Variants in ARID1B observed in about 807,000 individuals in gnomAD.
ARID1B encodes AT-rich interaction domain 1B, also known as AT-rich interactive domain-containing protein 1B.
ARID1B carries 30 observed loss-of-function variants against 212.3 expected under a neutral mutation model. The observed-to-expected ratio is 0.14, with a 90% CI of 0.11 to 0.19. The LOEUF (loss-of-function observed/expected upper bound fraction) is 0.19. Among genes scored for constraint, ARID1B ranks in the 10% least tolerant of loss-of-function variants. ARID1B has a pLI of 1.00. For synonymous variants in ARID1B, 1,402 were observed against 1,301.7 expected (o/e 1.08, Z -1.66); for missense variants, 2,891 against 3,204.0 (o/e 0.90, Z 2.36).
chr6:157,140,568 G>A (rs1319106161), intron 7 of ARID1B: 5 of 398,390 alleles, frequency 1.3e-5, no homozygotes, highest in East Asian at 7.1e-5. Context: ...TTTCCCTGCA[G>A]CAACCACATG....
In ARID1B at chr6:156,796,689, C is replaced by T. The variant is rs181481407; in HGVS notation, c.1791+17218C>T. Among the ~76,000 whole-genome samples the T allele has an allele frequency of 1.1e-3, 168 of 152,326 alleles. 1 individual carries two copies. The highest frequency in any genetic ancestry group is 2.0e-3 in the Non-Finnish European group (133 of 68,036). ...TGGAGAAGAATCAAGCCATTTCCTC[C>T]TCTTCCAGGCATAGAGAATAGTTAT... On this transcript the variant is annotated intron_variant, in intron 1 of 19. Transcript: ENST00000636930.
chr6:157,045,469 C>CT (rs1272912218), intron 4 of ARID1B, among the ~76,000 whole-genome samples: 3 of 151,920 alleles, frequency 2.0e-5, no homozygotes, highest in Admixed American at 6.6e-5. Context: ...TTAGCGGGAC[C>CT]TTTTTTTTCT....
At position 157,070,734 on chromosome 6, in the gene ARID1B, A is replaced by G. The variant is rs150950403; in HGVS notation, c.2248-13928A>G. 3.9e-5 allele frequency among the ~76,000 whole-genome samples: 6 copies of G among 152,286 alleles called. No individual in the cohort carries two copies. The East Asian group carries it at 1.2e-3, about 29-fold the overall frequency. On this transcript the variant is annotated intron_variant, in intron 4 of 19. Coordinates refer to ENST00000636930, the MANE Select transcript of ARID1B (RefSeq NM_001374828.1). ...TAGTTTTCAAGTATTTTACATTGCT[A>G]GATTAGGAACAGTTTTATTTACGAG...
chr6:156,859,423 G>A lies in ARID1B; in HGVS notation c.1986+30002G>A, dbSNP rs1452009609. ...AGTGCCATTAGGATGGCTGCCCATC[G>A]CCTGAGTTTTGGCCATAAAGGAATG... On this transcript the variant is annotated intron_variant, in intron 2 of 19. Transcript: ENST00000636930. 3.3e-5 allele frequency among the ~76,000 whole-genome samples: 5 copies of A among 152,130 alleles called. No individual in the cohort carries two copies. The East Asian group carries it at 5.8e-4, about 18-fold the overall frequency.
intron 2 of ARID1B, among the ~76,000 whole-genome samples, chr6:156,835,137 A>G (rs1160786678): frequency 1.3e-5 from 2 of 151,396 alleles, no homozygotes; most frequent in African/African-American, 4.9e-5. Context: ...CTCCTCGGGA[A>G]GCTGAGGCAG....
intron 8 of ARID1B, among the ~76,000 whole-genome samples, chr6:157,163,706 TC>T (rs1044175704): frequency 6.6e-6 from 1 of 152,148 alleles, no homozygotes; most frequent in Non-Finnish European, 1.5e-5. Context: ...TGTGGCCAGC[TC>T]CCTGAAGCCT....
chr6:156,847,071 T>C (rs1455468213), intron 2 of ARID1B, among the ~76,000 whole-genome samples: 5 of 152,220 alleles, frequency 3.3e-5, no homozygotes, highest in African/African-American at 1.2e-4. Flanking sequence ...GTCATTTTAA[T>C]GGGGTCCCAT....
At chr6:157,113,576 G>A (rs9478750) in intron 6 of ARID1B, among the ~76,000 whole-genome samples, 10,903 of 152,080 alleles carry the variant, frequency 0.072, 1,230 homozygotes, top group African/African-American at 0.24. Context: ...ACCATATCTC[G>A]TGAGTTCTCA....
chr6:157,074,148 A>G (rs1230756620), intron 4 of ARID1B, among the ~76,000 whole-genome samples: 1 of 152,240 alleles, frequency 6.6e-6, no homozygotes, highest in Non-Finnish European at 1.5e-5. Flanking sequence ...AGCAGGTTTC[A>G]TTAGAGGATT....
chr6:157,175,155 AAAT>A (rs1792013706), intron 11 of ARID1B, 150 bp downstream of exon 11: 2 of 648,202 alleles, frequency 3.1e-6, no homozygotes, highest in South Asian at 6.5e-5. Context: ...TTTTCTTTAT[AAAT>A]AATAATATTA....
intron 4 of ARID1B, chr6:156,985,055 T>C (rs954882471): frequency 6.6e-6 from 1 of 152,224 alleles, no homozygotes; most frequent in African/African-American, 2.4e-5. Context: ...AAGTAGGTTA[T>C]TAAATATTGC....
At chr6:157,021,558 G>A (rs1191378904) in intron 4 of ARID1B, among the ~76,000 whole-genome samples, 3 of 152,172 alleles carry the variant, frequency 2.0e-5, no homozygotes, top group African/African-American at 7.2e-5. Flanking sequence ...GCGGGGACAG[G>A]GGGACGAAAA....
intron 2 of ARID1B, among the ~76,000 whole-genome samples, chr6:156,885,852 T>C (rs184924324): frequency 1.3e-5 from 2 of 152,336 alleles, no homozygotes; most frequent in South Asian, 2.1e-4. Flanking sequence ...TTCCCACTTG[T>C]GCCTAGAACT....
chr6:157,195,568 A>G (rs938904282), intron 15 of ARID1B: 1 of 152,490 alleles, frequency 6.6e-6, no homozygotes, highest in Admixed American at 6.5e-5. Context: ...TTTGCCATGT[A>G]ACATACATAA....
intron 2 of ARID1B, among the ~76,000 whole-genome samples, chr6:156,893,750 G>A (rs1409069710): frequency 1.3e-5 from 2 of 152,104 alleles, no homozygotes; most frequent in Non-Finnish European, 2.9e-5. Flanking sequence ...CCCAGTATTA[G>A]TACAGCTGAT....
Position 157,206,097 on chromosome 6 carries a change from C to T in ARID1B, c.5395-70C>T. 6.6e-7 allele frequency: 1 copy of T among 1,504,292 alleles called. No homozygotes were observed. Among genetic ancestry groups the T allele is most frequent in the Middle Eastern group, 1.9e-4 (1 of 5,354 alleles). The allele number at this position is 1,504,292 out of a possible 1,614,324, so 93.2% of individuals were successfully genotyped here. On this transcript the variant is annotated intron_variant, in intron 19 of 19. Transcript: ENST00000636930. The surrounding 1 kb of genome is among the most constrained non-coding windows in gnomAD (Gnocchi z 6.8). ...ATTGACGGGTCTCAGGATCTTTACC[C>T]TCCTCGGTCATATCTGATGTCATGA...
intron 13 of ARID1B, 63 bp downstream of exon 13, chr6:157,184,498 G>A (rs767197154): frequency 3.1e-5 from 49 of 1,589,700 alleles, no homozygotes; most frequent in South Asian, 2.0e-4. Flanking sequence ...GGGAGGTTCC[G>A]GGAAGGTGGT....
intron 4 of ARID1B, among the ~76,000 whole-genome samples, chr6:157,047,039 T>C (rs1429806218): frequency 6.6e-6 from 1 of 152,188 alleles, no homozygotes; most frequent in Non-Finnish European, 1.5e-5. Context: ...CTCTCAAGTT[T>C]AGGAACTCTA....
At chr6:156,837,564 A>G (rs926618883) in intron 2 of ARID1B, among the ~76,000 whole-genome samples, 5 of 152,240 alleles carry the variant, frequency 3.3e-5, no homozygotes, top group African/African-American at 1.2e-4. Context: ...CAATAGTTAA[A>G]TTCTTAATGG....
Sources: allele counts gnomAD v4.1 joint callset (sites outside exome capture counted in the v4.1 genomes callset), GRCh38; gene constraint gnomAD v4.1.1; non-coding constraint Gnocchi (gnomAD v3.1); transcripts MANE v1.5; gene names NCBI Gene and HGNC (gene_info 2026-07-23, HGNC 2026-07-21).